ARHGEF10L: variants seen among roughly 807,000 people sequenced by gnomAD.
ARHGEF10L encodes rho guanine nucleotide exchange factor 10-like protein.
Under a neutral mutation model 141.2 loss-of-function variants are expected in ARHGEF10L, and 69 were observed. The ratio of observed to expected loss-of-function variants is 0.49; its 90% CI spans 0.40 to 0.60. ARHGEF10L has a LOEUF of 0.60. Among genes scored for constraint, ARHGEF10L ranks in the 20% least tolerant of loss-of-function variants. The pLI is 0.00. For synonymous variants in ARHGEF10L, 711 were observed against 718.5 expected (o/e 0.99, Z 0.17); for missense variants, 1,482 against 1,734.3 (o/e 0.85, Z 2.58).
chr1:17,518,822 A>AGG, the ARHGEF10L span, among the ~76,000 whole-genome samples: 1 of 78,732 alleles, frequency 1.3e-5, no homozygotes, highest in African/African-American at 4.6e-5. Flanking sequence ...AAAAAAAAAA[A>AGG]AAAGAAAGAA....
At chr1:17,692,359 C>T (rs2065168470) in intron 27 of ARHGEF10L, among the ~76,000 whole-genome samples, 1 of 152,074 alleles carries the variant, frequency 6.6e-6, no homozygotes, top group Non-Finnish European at 1.5e-5. Context: ...CTTGATAGCT[C>T]CATTCGGGTG....
chr1:17,590,585 A>G lies in ARHGEF10L; in HGVS notation c.257+2106A>G, dbSNP rs115915854. Among the ~76,000 whole-genome samples the G allele has an allele frequency of 6.7e-3, 1,020 of 152,288 alleles. 13 individuals carry two copies. The highest frequency in any genetic ancestry group is 0.023 in the African/African-American group (951 of 41,564). ...GATGTTTTGTTTGCTGCCAAACCTC[A>G]TGGCTTAAGTGGCAGGCACGGGGTG... On this transcript the variant is annotated intron_variant, in intron 4 of 28. Coordinates refer to ENST00000361221, the MANE Select transcript of ARHGEF10L (RefSeq NM_018125.4).
chr1:17,571,954 C>T (rs1329150912), intron 1 of ARHGEF10L, among the ~76,000 whole-genome samples: 3 of 152,244 alleles, frequency 2.0e-5, no homozygotes, highest in Non-Finnish European at 4.4e-5. Context: ...TCCCTCCTTA[C>T]CCCATCTCAT....
rs1362906182 is a variant in ARHGEF10L at position 17,637,908 on chromosome 1, C to T, written c.1948C>T (p.Pro650Ser). Residue 650 changes from proline to serine, a missense_variant, in exon 19 of 29, where the codon CCA becomes TCA. This residue lies in a region of ARHGEF10L where 858 missense variants were observed against 966.3 expected (regional missense o/e 0.89). Coordinates refer to ENST00000361221, the MANE Select transcript of ARHGEF10L (RefSeq NM_018125.4). ...QAQNKVYLGP[P>S]RLFQELQDLQ... ...CCCAGATAAGGTGTACCTCGGCCCC[C>T]CACGCCTCTTCCAGGAGCTGCAGGA... 8 of 1,594,204 alleles carry T rather than the reference C, an allele frequency of 5.0e-6. No individual in the cohort carries two copies. The highest frequency in any genetic ancestry group is 6.8e-6 in the Non-Finnish European group (8 of 1,170,346).
intron 12 of ARHGEF10L, among the ~76,000 whole-genome samples, chr1:17,624,038 T>A (rs1243893511): frequency 6.6e-6 from 1 of 152,198 alleles, no homozygotes; most frequent in Non-Finnish European, 1.5e-5. Context: ...TGAACGTGAA[T>A]GCAGTAGAAG....
chr1:17,626,943 C>A (rs959036931), intron 14 of ARHGEF10L, among the ~76,000 whole-genome samples: 1 of 152,264 alleles, frequency 6.6e-6, no homozygotes, highest in African/African-American at 2.4e-5. Context: ...TCTGAATTTC[C>A]TTCCTTTTCA....
intron 26 of ARHGEF10L, among the ~76,000 whole-genome samples, chr1:17,671,805 G>C (rs2063339203): frequency 6.6e-6 from 1 of 152,228 alleles, no homozygotes; most frequent in Non-Finnish European, 1.5e-5. Flanking sequence ...GCTGAGTAGG[G>C]TGGGACTGGG....
At chr1:17,678,881 C>A (rs951113878) in intron 26 of ARHGEF10L, among the ~76,000 whole-genome samples, 1 of 152,172 alleles carries the variant, frequency 6.6e-6, no homozygotes, top group South Asian at 2.1e-4. Context: ...GTAGGCCTTA[C>A]TGTAGGAATT....
At chr1:17,684,548 C>A (rs766218742) in intron 26 of ARHGEF10L, among the ~76,000 whole-genome samples, 9 of 152,108 alleles carry the variant, frequency 5.9e-5, no homozygotes, top group Non-Finnish European at 1.3e-4. Flanking sequence ...AGGAAGAGAC[C>A]CCCGATACCT....
intron 1 of ARHGEF10L, among the ~76,000 whole-genome samples, chr1:17,552,217 G>A (rs1310263551): frequency 2.6e-5 from 4 of 152,114 alleles, no homozygotes; most frequent in African/African-American, 9.7e-5. Flanking sequence ...GAGATGGGGA[G>A]CACTTCCCAG....
At chr1:17,692,000 C>A (rs1176175057) in intron 27 of ARHGEF10L, among the ~76,000 whole-genome samples, 7 of 152,188 alleles carry the variant, frequency 4.6e-5, no homozygotes. Context: ...AAAATAAGGT[C>A]ATCACAGACC....
intron 9 of ARHGEF10L, among the ~76,000 whole-genome samples, chr1:17,616,559 T>A (rs1419098649): frequency 6.6e-6 from 1 of 152,026 alleles, no homozygotes; most frequent in African/African-American, 2.4e-5. Flanking sequence ...TCCACCCATC[T>A]CTCCAACCAG....
intron 18 of ARHGEF10L, among the ~76,000 whole-genome samples, chr1:17,636,877 A>G (rs1395051372): frequency 1.3e-5 from 2 of 152,116 alleles, no homozygotes; most frequent in African/African-American, 4.8e-5. Context: ...AATACAGTCC[A>G]AATTCCTAGC....
At chr1:17,695,370 A>T in intron 28 of ARHGEF10L, 90 bp downstream of exon 28, 1 of 1,482,942 alleles carries the variant, frequency 6.7e-7, no homozygotes, top group Non-Finnish European at 9.0e-7. Context: ...TTATGCCCTC[A>T]TTGGTATAGG....
chr1:17,540,926 G>A (rs2076704487), intron 1 of ARHGEF10L, among the ~76,000 whole-genome samples: 1 of 152,174 alleles, frequency 6.6e-6, no homozygotes, highest in Non-Finnish European at 1.5e-5. Flanking sequence ...CCCAGCATCC[G>A]CCCAGCACTG....
intron 20 of ARHGEF10L, 96 bp downstream of exon 20, chr1:17,638,785 G>A (rs1341077430): frequency 6.5e-7 from 1 of 1,544,346 alleles, no homozygotes; most frequent in East Asian, 2.3e-5. Flanking sequence ...CCTCTTATTT[G>A]TCGAGATGCC....
chr1:17,666,393 T>C (rs2062978306), intron 26 of ARHGEF10L, among the ~76,000 whole-genome samples: 1 of 151,960 alleles, frequency 6.6e-6, no homozygotes, highest in African/African-American at 2.4e-5. Flanking sequence ...GGAGAGGCAG[T>C]GCCATGTGCA....
At chr1:17,532,680 C>T in the ARHGEF10L span, among the ~76,000 whole-genome samples, 1 of 151,494 alleles carries the variant, frequency 6.6e-6, no homozygotes, top group South Asian at 2.1e-4. Flanking sequence ...CTGCAACCTC[C>T]GTCATCCAGG....
Position 17,601,226 on chromosome 1 carries a change from A to G in ARHGEF10L, c.258-901A>G, listed in dbSNP as rs542977351. ...AAAACACCATGGAGGTGAAGTACCCATTTCATGACGTCTTATCAGGACACA... is the reference window on the plus strand; with the variant it reads ...AAAACACCATGGAGGTGAAGTACCCGTTTCATGACGTCTTATCAGGACACA... On this transcript the variant is annotated intron_variant, in intron 4 of 28. Coordinates refer to ENST00000361221, the MANE Select transcript of ARHGEF10L (RefSeq NM_018125.4). Among the ~76,000 whole-genome samples, 9 of 152,246 alleles carry G rather than the reference A, an allele frequency of 5.9e-5. No homozygotes were observed. In the South Asian group the frequency reaches 1.7e-3, roughly 28 times the overall value.
Sources: allele counts gnomAD v4.1 joint callset (sites outside exome capture counted in the v4.1 genomes callset), GRCh38; gene constraint gnomAD v4.1.1; regional missense constraint gnomAD v4.1.1; transcripts MANE v1.5; gene names NCBI Gene and HGNC (gene_info 2026-07-23, HGNC 2026-07-21).